The following TUBB6 variants were observed in gnomAD, a reference collection of about 807,000 sequenced individuals.
TUBB6 encodes tubulin beta-6 chain.
TUBB6 carries 18 observed loss-of-function variants against 32.3 expected under a neutral mutation model. The observed-to-expected ratio is 0.56, with a 90% CI of 0.39 to 0.83. TUBB6 has a LOEUF of 0.83. Among genes scored for constraint, TUBB6 ranks in the 40% least tolerant of loss-of-function variants. The pLI, the probability that TUBB6 is intolerant of heterozygous loss-of-function variation, is 0.00. For synonymous variants in TUBB6, 280 were observed against 265.8 expected (o/e 1.05, Z -0.52); for missense variants, 480 against 632.0 (o/e 0.76, Z 2.58).
At chr18:12,309,411 C>T (rs1047738571) in intron 2 of TUBB6, among the ~76,000 whole-genome samples, 2 of 104,406 alleles carry the variant, frequency 1.9e-5, no homozygotes, top group Non-Finnish European at 4.1e-5. Flanking sequence ...CCCCCCCCCC[C>T]CCCAGTTTAA....
chr18:12,329,555 C>T, downstream of TUBB6: 11 of 1,613,068 alleles, frequency 6.8e-6, no homozygotes, highest in Non-Finnish European at 9.3e-6. Context: ...GATGGCCTCC[C>T]TCTGGGCCTC....
chr18:12,322,713 TAAG>T (rs1907053342), intron 3 of TUBB6, among the ~76,000 whole-genome samples: 1 of 152,204 alleles, frequency 6.6e-6, no homozygotes, highest in African/African-American at 2.4e-5. Context: ...ATGTAAAAAT[TAAG>T]AGGAATAGAA....
downstream of TUBB6, among the ~76,000 whole-genome samples, chr18:12,328,712 G>T (rs1314033442): frequency 6.6e-6 from 1 of 152,214 alleles, no homozygotes; most frequent in Non-Finnish European, 1.5e-5. Context: ...CACTGGGGTG[G>T]TTATCACAGA....
rs1422752825 is a variant in TUBB6, at chr18:12,320,842, CT to C, written c.278-4223del. On this transcript the variant is annotated intron_variant, in intron 3 of 3. Coordinates refer to ENST00000317702, the MANE Select transcript of TUBB6 (RefSeq NM_032525.3). ...ACATGTATGGGTCTATCTAGAAAAA[CT>C]TACAGAAGTGTAATTGCTGTGTCTA... 7 of 152,266 alleles carry C rather than the reference CT, an allele frequency of 4.6e-5. No homozygotes were observed. The East Asian group carries it at 1.3e-3, about 29-fold the overall frequency. 9.4% of individuals were successfully genotyped at this position (152,266 alleles called of 1,614,324 possible).
In TUBB6 at chr18:12,325,681, A is replaced by T; in HGVS notation, c.892A>T (p.Asn298Tyr). The change falls in exon 4 of 4, where the codon AAC becomes TAC. Residue 298 changes from asparagine to tyrosine, a missense_variant. Asn to Tyr is a moderately radical substitution (Grantham distance 143). Transcript: ENST00000317702. ...ELTQQMFDAR[N>Y]MMAACDPRHG... ...CACCCAGCAGATGTTCGACGCCAGG[A>T]ACATGATGGCCGCCTGCGATCCGCG... is the stretch of plus-strand genomic sequence containing the variant. 1 of 1,614,124 alleles carries T rather than the reference A, an allele frequency of 6.2e-7. No individual in the cohort carries two copies. Among genetic ancestry groups the T allele is most frequent in the South Asian group, 1.1e-5 (1 of 91,074 alleles).
Position 12,314,305 on chromosome 18 carries a change from C to A in TUBB6, c.277+3252C>A, listed in dbSNP as rs183140684. ...CGAGAAGAAATGGCCCTATCTCCCC[C>A]ACTTGTTGTAGAATTCTGCCCAGTC... On this transcript the variant is annotated intron_variant, in intron 3 of 3. Transcript: ENST00000317702. Among the ~76,000 whole-genome samples, 258 of 152,146 alleles carry A rather than the reference C, an allele frequency of 1.7e-3. 2 individuals carry two copies. Among genetic ancestry groups the A allele is most frequent in the South Asian group, 8.7e-3 (42 of 4,820 alleles).
chr18:12,311,135 T>A, intron 3 of TUBB6, 82 bp downstream of exon 3: 5 of 1,203,692 alleles, frequency 4.2e-6, no homozygotes, highest in Non-Finnish European at 5.9e-6. Flanking sequence ...TAAAGCATCA[T>A]GTGTCATAGA....
intron 3 of TUBB6, among the ~76,000 whole-genome samples, chr18:12,318,617 G>A (rs1462188915): frequency 6.6e-6 from 1 of 152,062 alleles, no homozygotes; most frequent in Non-Finnish European, 1.5e-5. Context: ...GAGAAAGGCT[G>A]AGCTGATTTC....
Position 12,325,684 on chromosome 18 carries a change from A to G in TUBB6, c.895A>G (p.Met299Val). 1 of 1,614,134 alleles carries G rather than the reference A, an allele frequency of 6.2e-7. No individual in the cohort carries two copies. The highest frequency in any genetic ancestry group is 8.5e-7 in the Non-Finnish European group (1 of 1,180,038). ...LTQQMFDARNMMAACDPRHGR... is the reference protein window; with the variant it reads ...LTQQMFDARNVMAACDPRHGR... ...CCAGCAGATGTTCGACGCCAGGAAC[A>G]TGATGGCCGCCTGCGATCCGCGCCA... Residue 299 changes from methionine (M) to valine (V), a missense_variant, in exon 4 of 4, where the codon ATG (methionine) becomes GTG (valine). Transcript: ENST00000317702.
intron 3 of TUBB6, among the ~76,000 whole-genome samples, chr18:12,318,265 G>A (rs1218742447): frequency 1.3e-5 from 2 of 151,542 alleles, no homozygotes; most frequent in African/African-American, 2.4e-5. Context: ...GGTTGGGTGG[G>A]GAAGGGGTGG....
chr18:12,307,785 G>C (rs1253835747), upstream of TUBB6: 1 of 151,400 alleles, frequency 6.6e-6, no homozygotes, highest in Non-Finnish European at 1.5e-5. Context: ...CCCGGGGTGC[G>C]ACCGGGGGGT....
intron 2 of TUBB6, among the ~76,000 whole-genome samples, chr18:12,310,074 A>C (rs1906277732): frequency 6.6e-6 from 1 of 152,198 alleles, no homozygotes; most frequent in Admixed American, 6.5e-5. Context: ...GTAGGCAGGA[A>C]GTCAGGGGAC....
At chr18:12,310,513 G>A (rs887045874) in intron 2 of TUBB6, among the ~76,000 whole-genome samples, 9 of 151,054 alleles carry the variant, frequency 6.0e-5, no homozygotes, top group Admixed American at 2.0e-4. Flanking sequence ...AAAAAGACAA[G>A]GTCTCACTCT....
chr18:12,323,995 G>T (rs1244490408), intron 3 of TUBB6, among the ~76,000 whole-genome samples: 1 of 152,132 alleles, frequency 6.6e-6, no homozygotes, highest in East Asian at 1.9e-4. Flanking sequence ...TAAATAATTG[G>T]TTCTGCAAAC....
In TUBB6 at chr18:12,308,245, GCC is replaced by G; in HGVS notation, c.-47_-46del. 22 of 1,344,936 alleles carry G rather than the reference GCC, an allele frequency of 1.6e-5. No homozygotes were observed. Among genetic ancestry groups the G allele is most frequent in the Non-Finnish European group, 2.0e-5 (21 of 1,038,420 alleles). 83.3% of individuals were successfully genotyped at this position (1,344,936 alleles called of 1,614,324 possible). ...GGACGCGCGCAGCCGGCCCGCAGTT[GCC>G]GCTGTCGTCCGCAGAGCCAGTTCCT... On this transcript the variant is annotated 5_prime_UTR_variant, in exon 1 of 4. Coordinates refer to ENST00000317702, the MANE Select transcript of TUBB6 (RefSeq NM_032525.3).
chr18:12,315,562 G>A (rs1906625905), intron 3 of TUBB6, among the ~76,000 whole-genome samples: 1 of 152,206 alleles, frequency 6.6e-6, no homozygotes, highest in Admixed American at 6.5e-5. Context: ...TACTTTATAG[G>A]AAATGTAAGA....
chr18:12,316,663 G>A (rs765900721), intron 3 of TUBB6, among the ~76,000 whole-genome samples: 1 of 152,212 alleles, frequency 6.6e-6, no homozygotes, highest in Non-Finnish European at 1.5e-5. Flanking sequence ...TATCCAGAAT[G>A]TATAAACATT....
chr18:12,327,818 T>C (rs1023226433), downstream of TUBB6, among the ~76,000 whole-genome samples: 2 of 152,168 alleles, frequency 1.3e-5, no homozygotes, highest in Non-Finnish European at 2.9e-5. Flanking sequence ...TGACAGACAG[T>C]GGGCCCCACT....
downstream of TUBB6, chr18:12,328,899 AT>A: frequency 2.4e-6 from 1 of 423,060 alleles, no homozygotes. Flanking sequence ...ATTTCTTGCC[AT>A]TATGTTTTCT....
Sources: gnomAD v4.1 joint callset for allele counts (sites outside exome capture counted in the v4.1 genomes callset) on GRCh38, gnomAD v4.1.1 for gene constraint, MANE v1.5 for transcripts, NCBI Gene and HGNC (gene_info 2026-07-23, HGNC 2026-07-21) for gene names.